FRS2: variants seen among roughly 807,000 people sequenced by gnomAD.
FRS2 encodes FGFR signalling adaptor.
A neutral mutation model predicts 43.9 loss-of-function variants in FRS2; 8 were observed. The observed-to-expected ratio is 0.18, with a 90% CI of 0.11 to 0.33. The LOEUF (loss-of-function observed/expected upper bound fraction) is 0.33, where lower values mean the gene tolerates loss of function less well. Ranked by LOEUF, FRS2 falls within the 10% of genes least tolerant of loss-of-function variation. FRS2 has a pLI of 1.00. For missense variants in FRS2, 534 were observed against 627.6 expected (o/e 0.85, Z 1.59); for synonymous variants, 219 against 220.3 (o/e 0.99, Z 0.05).
At chr12:69,485,428 C>T (rs911617062) in intron 1 of FRS2, among the ~76,000 whole-genome samples, 14 of 152,096 alleles carry the variant, frequency 9.2e-5, no homozygotes, top group Non-Finnish European at 1.6e-4. Context: ...GTGATCCGCC[C>T]GCCTCGACCT....
At position 69,470,480 on chromosome 12, in the gene FRS2, G is replaced by A. The variant is rs1870150851; in HGVS notation, c.-311G>A. On this transcript the variant is annotated 5_prime_UTR_variant, in exon 1 of 9. Coordinates refer to ENST00000549921, the MANE Select transcript of FRS2 (RefSeq NM_001278356.2). Reference sequence around the variant, plus strand: ...CTCCAGCGCGGGTCGGAGTCTGGGGGTTCGCGCCCGCCGACCCGCGCCCTG... The same window carrying A: ...CTCCAGCGCGGGTCGGAGTCTGGGGATTCGCGCCCGCCGACCCGCGCCCTG... 7.5e-6 allele frequency: 3 copies of A among 398,580 alleles called. No homozygotes were observed. The South Asian group carries it at 3.8e-4, about 51-fold the overall frequency. 24.7% of individuals were successfully genotyped at this position (398,580 alleles called of 1,614,324 possible). A position where few individuals can be genotyped will look rare whatever the true frequency, so the allele number is the denominator to read the frequency against.
Position 69,574,470 on chromosome 12 carries a change from A to G in FRS2, c.1042A>G (p.Asn348Asp). Residue 348 changes from asparagine (N) to aspartate (D), a missense_variant, in exon 9 of 9, where the codon AAC becomes GAC. By Grantham distance (23) the Asn-to-Asp change is conservative. Coordinates refer to ENST00000549921, the MANE Select transcript of FRS2 (RefSeq NM_001278356.2). ...NSAQRRTALL[N>D]YENLPSLPPV... ...AGCTCAGAGAAGAACTGCATTATTA[A>G]ACTATGAAAATCTACCATCTTTGCC... The G allele has an allele frequency of 6.2e-7, 1 of 1,614,020 alleles. No homozygotes were observed. Among genetic ancestry groups the G allele is most frequent in the South Asian group, 1.1e-5 (1 of 91,070 alleles).
chr12:69,494,702 G>T (rs551435635), intron 1 of FRS2, among the ~76,000 whole-genome samples: 3 of 152,274 alleles, frequency 2.0e-5, no homozygotes, highest in Admixed American at 2.0e-4. Context: ...TCTTGTAAGT[G>T]CTGACCCTAT....
chr12:69,513,486 C>T (rs1365499534), intron 1 of FRS2, among the ~76,000 whole-genome samples: 1 of 152,146 alleles, frequency 6.6e-6, no homozygotes, highest in East Asian at 1.9e-4. Context: ...TGAGCTGTAA[C>T]ATTCTGAACA....
chr12:69,539,175 A>G (rs959292257), intron 3 of FRS2, among the ~76,000 whole-genome samples: 1 of 152,160 alleles, frequency 6.6e-6, no homozygotes, highest in Non-Finnish European at 1.5e-5. Flanking sequence ...CCTAGGTTCA[A>G]GTGATTCTCC....
At chr12:69,522,534 C>A (rs1068256) in intron 1 of FRS2, among the ~76,000 whole-genome samples, 3 of 151,774 alleles carry the variant, frequency 2.0e-5, no homozygotes, top group Non-Finnish European at 4.4e-5. Flanking sequence ...TAATTTTTTT[C>A]AAAAAGCCAA....
At chr12:69,500,071 A>G (rs1435089444) in intron 1 of FRS2, among the ~76,000 whole-genome samples, 1 of 152,168 alleles carries the variant, frequency 6.6e-6, no homozygotes, top group Non-Finnish European at 1.5e-5. Context: ...GAAATTTTAT[A>G]TTGGTACCGT....
intron 1 of FRS2, among the ~76,000 whole-genome samples, chr12:69,523,562 T>C (rs995320002): frequency 3.9e-5 from 6 of 152,192 alleles, no homozygotes; most frequent in Admixed American, 6.5e-5. Context: ...TTGGGGTAGT[T>C]AGCCTATTAA....
chr12:69,549,322 CTT>C (rs1306055822), intron 3 of FRS2, among the ~76,000 whole-genome samples: 2 of 151,820 alleles, frequency 1.3e-5, no homozygotes, highest in Admixed American at 6.6e-5. Flanking sequence ...GAAATAATAA[CTT>C]AAGAAATATG....
intron 3 of FRS2, among the ~76,000 whole-genome samples, chr12:69,534,772 A>AT (rs1249812191): frequency 6.6e-6 from 1 of 152,162 alleles, no homozygotes; most frequent in Non-Finnish European, 1.5e-5. Flanking sequence ...TTTTGTTTTC[A>AT]TGTAAGCCAC....
intron 1 of FRS2, among the ~76,000 whole-genome samples, chr12:69,489,539 G>A (rs909286049): frequency 1.3e-5 from 2 of 151,788 alleles, no homozygotes; most frequent in African/African-American, 2.4e-5. Flanking sequence ...GTGTGGTGGC[G>A]CATGCCTGTA....
At chr12:69,572,350 G>A in intron 8 of FRS2, 69 bp downstream of exon 8, 4 of 1,196,090 alleles carry the variant, frequency 3.3e-6, no homozygotes, top group Non-Finnish European at 4.8e-6. Context: ...TGCTAATACT[G>A]GAAGATTTTA....
At chr12:69,565,031 G>A (rs1218815326) in intron 4 of FRS2, among the ~76,000 whole-genome samples, 1 of 152,144 alleles carries the variant, frequency 6.6e-6, no homozygotes, top group Non-Finnish European at 1.5e-5. Flanking sequence ...AGACAGTTTC[G>A]TCACTGCGCA....
At chr12:69,556,646 C>G (rs1444962357) in intron 3 of FRS2, among the ~76,000 whole-genome samples, 1 of 152,164 alleles carries the variant, frequency 6.6e-6, no homozygotes, top group Non-Finnish European at 1.5e-5. Flanking sequence ...TGTTATCCAA[C>G]ATTAATGTTT....
At chr12:69,470,821 C>T (rs969107592) in intron 1 of FRS2, among the ~76,000 whole-genome samples, 10 of 152,172 alleles carry the variant, frequency 6.6e-5, no homozygotes, top group African/African-American at 2.2e-4. Flanking sequence ...TCCGACCCCC[C>T]TCATGTGTGC....
chr12:69,490,858 A>G (rs1274497159), intron 1 of FRS2, among the ~76,000 whole-genome samples: 4 of 152,228 alleles, frequency 2.6e-5, no homozygotes, highest in African/African-American at 4.8e-5. Context: ...AAAAGTGCCT[A>G]GAGATAAAAG....
chr12:69,487,116 C>T (rs1162365975), intron 1 of FRS2, among the ~76,000 whole-genome samples: 1 of 152,206 alleles, frequency 6.6e-6, no homozygotes, highest in South Asian at 2.1e-4. Context: ...GCCTCGCCTC[C>T]TTATGCACCA....
intron 1 of FRS2, among the ~76,000 whole-genome samples, chr12:69,502,043 G>A (rs1287160701): frequency 1.3e-5 from 2 of 151,944 alleles, no homozygotes; most frequent in Non-Finnish European, 2.9e-5. Flanking sequence ...TCGGCTCACT[G>A]AAACCTCCGC....
intron 3 of FRS2, among the ~76,000 whole-genome samples, chr12:69,546,062 C>A (rs1009453064): frequency 6.6e-6 from 1 of 152,048 alleles, no homozygotes; most frequent in Non-Finnish European, 1.5e-5. Flanking sequence ...ACCAAAGGCA[C>A]AGACAATACA....
Sources: gnomAD v4.1 joint callset for allele counts (sites outside exome capture counted in the v4.1 genomes callset) on GRCh38, gnomAD v4.1.1 for gene constraint, MANE v1.5 for transcripts, NCBI Gene and HGNC (gene_info 2026-07-23, HGNC 2026-07-21) for gene names.